Variants in SLC46A3 observed in about 807,000 individuals in gnomAD.
SLC46A3 encodes lysosomal proton-coupled steroid conjugate and bile acid symporter SLC46A3.
SLC46A3 carries 26 observed loss-of-function variants against 38.5 expected under a neutral mutation model. That is an observed-to-expected ratio of 0.68 (90% CI 0.49 to 0.94). SLC46A3 has a LOEUF of 0.94. Ranked by LOEUF, SLC46A3 falls within the 40% of genes least tolerant of loss-of-function variation. The probability of loss-of-function intolerance (pLI) is 0.00; values close to 1 mark genes in which losing one functional copy is unlikely to be tolerated. For synonymous variants in SLC46A3, 185 were observed against 192.5 expected (o/e 0.96, Z 0.32); for missense variants, 510 against 544.3 (o/e 0.94, Z 0.63).
At position 28,700,516 on chromosome 13, in the gene SLC46A3, A is replaced by T; in HGVS notation, c.*981T>A. ...CGTGTTGACGGATTCAAATTTAAGG[A>T]GTACAAGATCGTATTTTAAAAATGC... On this transcript the variant is annotated 3_prime_UTR_variant, in exon 6 of 6. Transcript: ENST00000266943. The T allele has an allele frequency of 6.4e-6, 1 of 156,280 alleles. No homozygotes were observed. The highest frequency in any genetic ancestry group is 6.4e-5 in the Admixed American group (1 of 15,722). 9.7% of individuals were successfully genotyped at this position (156,280 alleles called of 1,614,324 possible). A position where few individuals can be genotyped will look rare whatever the true frequency, so the allele number is the denominator to read the frequency against.
intron 5 of SLC46A3, 42 bp downstream of exon 5, chr13:28,703,901 T>A: frequency 6.4e-7 from 1 of 1,561,738 alleles, no homozygotes; most frequent in Non-Finnish European, 8.7e-7. Flanking sequence ...ATTCACTTAA[T>A]CCATATACCC....
rs562868651 is a variant in SLC46A3, at chr13:28,701,044, A to T, written c.*453T>A. On this transcript the variant is annotated 3_prime_UTR_variant, in exon 6 of 6. Coordinates refer to ENST00000266943, the MANE Select transcript of SLC46A3 (RefSeq NM_181785.4). Reference sequence around the variant, plus strand: ...TTTTCCTACCAATGAGTGATTCATCATAATTTTCATTATGCCTTCAAAATT... The same window carrying T: ...TTTTCCTACCAATGAGTGATTCATCTTAATTTTCATTATGCCTTCAAAATT... 6.6e-7 allele frequency: 1 copy of T among 1,510,012 alleles called. No homozygotes were observed. The highest frequency in any genetic ancestry group is 1.3e-5 in the South Asian group (1 of 77,826). 93.5% of individuals were successfully genotyped at this position (1,510,012 alleles called of 1,614,324 possible). A position where few individuals can be genotyped will look rare whatever the true frequency, so the allele number is the denominator to read the frequency against.
intron 3 of SLC46A3, among the ~76,000 whole-genome samples, chr13:28,711,929 G>A (rs1885356848): frequency 6.6e-6 from 1 of 152,176 alleles, no homozygotes. Flanking sequence ...ATGAGAAAAT[G>A]AGGGCTGAGA....
intron 4 of SLC46A3, among the ~76,000 whole-genome samples, chr13:28,706,101 CA>C (rs1448686356): frequency 6.6e-6 from 1 of 151,996 alleles, no homozygotes; most frequent in Non-Finnish European, 1.5e-5. Context: ...CAATAGACCT[CA>C]AAAATCAAGT....
rs1884996188 is a variant in SLC46A3 at position 28,700,842 on chromosome 13, A to AG, written c.*654_*655insC. 1 of 837,484 alleles carries AG rather than the reference A, an allele frequency of 1.2e-6. No homozygotes were observed. Among genetic ancestry groups the AG allele is most frequent in the South Asian group, 1.9e-5 (1 of 53,268 alleles). 51.9% of individuals were successfully genotyped at this position (837,484 alleles called of 1,614,324 possible). A position where few individuals can be genotyped will look rare whatever the true frequency, so the allele number is the denominator to read the frequency against. On this transcript the variant is annotated 3_prime_UTR_variant, in exon 6 of 6. Coordinates refer to ENST00000266943, the MANE Select transcript of SLC46A3 (RefSeq NM_181785.4). The stretch of plus-strand genomic sequence containing the variant: ...AAAAGTGAAAAATACATATTCTTTA[A>AG]AGTGCCTCCCTTTTAAGGATTTTGT...
intron 2 of SLC46A3, among the ~76,000 whole-genome samples, chr13:28,717,017 G>T (rs910804982): frequency 2.0e-5 from 3 of 151,796 alleles, no homozygotes; most frequent in African/African-American, 7.3e-5. Context: ...TCCAAACCTG[G>T]ATACTATCTC....
rs149219278 is a variant in SLC46A3, at chr13:28,714,621, C to T, written c.190-1071G>A. Among the ~76,000 whole-genome samples, 897 of 152,304 alleles carry T rather than the reference C, an allele frequency of 5.9e-3. 6 individuals carry two copies. Among genetic ancestry groups the T allele is most frequent in the African/African-American group, 0.02 (814 of 41,558 alleles). On this transcript the variant is annotated intron_variant, in intron 2 of 5. Coordinates refer to ENST00000266943, the MANE Select transcript of SLC46A3 (RefSeq NM_181785.4). ...AAAATTAGCCAGGCGTGGTGGCGTA[C>T]GCCTGTAGTCTCCGCTACTTGGGAG...
intron 2 of SLC46A3, among the ~76,000 whole-genome samples, chr13:28,716,960 A>C (rs765290543): frequency 6.6e-6 from 1 of 151,776 alleles, no homozygotes; most frequent in Non-Finnish European, 1.5e-5. Context: ...TTTAGAGTTT[A>C]CAGGTGTGAT....
At position 28,700,946 on chromosome 13, in the gene SLC46A3, C is replaced by T. The variant is rs1884998691; in HGVS notation, c.*551G>A. 1.3e-6 allele frequency: 2 copies of T among 1,514,486 alleles called. No individual in the cohort carries two copies. The highest frequency in any genetic ancestry group is 2.8e-5 in the African/African-American group (2 of 72,368). 93.8% of individuals were successfully genotyped at this position (1,514,486 alleles called of 1,614,324 possible). ...TATAAGCTCCGACTATCAATAGCAG[C>T]TTAACAGGCTCTATAAAATAAAGCA... On this transcript the variant is annotated 3_prime_UTR_variant, in exon 6 of 6. Coordinates refer to ENST00000266943, the MANE Select transcript of SLC46A3 (RefSeq NM_181785.4).
intron 5 of SLC46A3, chr13:28,703,678 T>C (rs1007310291): frequency 1.0e-5 from 2 of 194,978 alleles, no homozygotes; most frequent in African/African-American, 4.7e-5. Flanking sequence ...TTCTCTTTTT[T>C]TTAATTAAAA....
rs1566123415 is a variant in SLC46A3 at position 28,713,135 on chromosome 13, A to T, written c.605T>A (p.Ile202Asn). The T allele has an allele frequency of 1.2e-6, 2 of 1,614,026 alleles. No individual in the cohort carries two copies. The highest frequency in any genetic ancestry group is 2.2e-5 in the South Asian group (2 of 91,062). The change falls in exon 3 of 6, where the codon ATT becomes AAT. Residue 202 changes from isoleucine to asparagine, a missense_variant. Physicochemically the swap from Ile to Asn is moderately radical, Grantham distance 149. Transcript: ENST00000266943. ...ATTAACAGCAAGAGACACAGCAATA[A>T]TTAGAAACGACCACTCAAAACCTAG... ...RELGFEWSFL[I>N]IAVSLAVNLI...
chr13:28,710,394 C>G (rs1464187648), intron 4 of SLC46A3, among the ~76,000 whole-genome samples: 1 of 152,220 alleles, frequency 6.6e-6, no homozygotes, highest in African/African-American at 2.4e-5. Context: ...CATCCAGGCC[C>G]TTACTGGACA....
At chr13:28,716,596 G>A (rs1158403320) in intron 2 of SLC46A3, among the ~76,000 whole-genome samples, 3 of 151,970 alleles carry the variant, frequency 2.0e-5, no homozygotes, top group Non-Finnish European at 4.4e-5. Context: ...TGAGACTCAG[G>A]GCCCTTTTTT....
intron 4 of SLC46A3, among the ~76,000 whole-genome samples, chr13:28,706,217 G>A (rs970720633): frequency 3.9e-5 from 6 of 152,118 alleles, no homozygotes; most frequent in South Asian, 2.1e-4. Context: ...GGTGCAGAGC[G>A]CAGAGATTGC....
chr13:28,701,822 A>C (rs575828388), intron 5 of SLC46A3, among the ~76,000 whole-genome samples: 1 of 152,178 alleles, frequency 6.6e-6, no homozygotes, highest in African/African-American at 2.4e-5. Flanking sequence ...CCCATGGTTA[A>C]CTCTGTGTAG....
intron 4 of SLC46A3, 69 bp from the exon 5 acceptor site, chr13:28,704,168 A>C: frequency 7.2e-7 from 1 of 1,389,980 alleles, no homozygotes; most frequent in Non-Finnish European, 9.9e-7. Flanking sequence ...AACACAAACT[A>C]ATGGAGACAA....
rs1472080201 is a variant in SLC46A3, at chr13:28,701,183, C to T, written c.*314G>A. 15 of 1,399,058 alleles carry T rather than the reference C, an allele frequency of 1.1e-5. No individual in the cohort carries two copies. The highest frequency in any genetic ancestry group is 1.8e-5 in the South Asian group (1 of 56,430). 86.7% of individuals were successfully genotyped at this position (1,399,058 alleles called of 1,614,324 possible). A position where few individuals can be genotyped will look rare whatever the true frequency, so the allele number is the denominator to read the frequency against. On this transcript the variant is annotated 3_prime_UTR_variant, in exon 6 of 6. Coordinates refer to ENST00000266943, the MANE Select transcript of SLC46A3 (RefSeq NM_181785.4). ...TGTCAGAGAGATTATTGCTTTTGAC[C>T]TTATCAAGTTTCTTGATCCCTCCTT...
At chr13:28,716,028 C>CT (rs139149295) in intron 2 of SLC46A3, among the ~76,000 whole-genome samples, 4,019 of 151,606 alleles carry the variant, frequency 0.027, 183 homozygotes, top group African/African-American at 0.091. Context: ...TGGCACGTGC[C>CT]TGTAGTCCCA....
intron 4 of SLC46A3, among the ~76,000 whole-genome samples, chr13:28,707,555 A>G (rs1885214059): frequency 6.6e-6 from 1 of 152,146 alleles, no homozygotes; most frequent in Non-Finnish European, 1.5e-5. Context: ...CTTAAAGTAT[A>G]ATAAAAAAAA....
Sources: gnomAD v4.1 joint callset for allele counts (sites outside exome capture counted in the v4.1 genomes callset) on GRCh38, gnomAD v4.1.1 for gene constraint, MANE v1.5 for transcripts, NCBI Gene and HGNC (gene_info 2026-07-23, HGNC 2026-07-21) for gene names.